HECW2: variants seen among roughly 807,000 people sequenced by gnomAD.
HECW2 encodes E3 ubiquitin-protein ligase HECW2.
Under a neutral mutation model 175.2 loss-of-function variants are expected in HECW2, and 61 were observed. The ratio of observed to expected loss-of-function variants is 0.35; its 90% CI spans 0.28 to 0.43. The LOEUF is 0.43. Among genes scored for constraint, HECW2 ranks in the 20% least tolerant of loss-of-function variants. The pLI, the probability that HECW2 is intolerant of heterozygous loss-of-function variation, is 1.00. For synonymous variants in HECW2, 671 were observed against 731.0 expected, an observed-to-expected ratio of 0.92 and a Z score of 1.32; for missense variants, 1,524 against 2,000.5, an observed-to-expected ratio of 0.76 and a Z score of 4.54.
At position 196,278,133 on chromosome 2, in the gene HECW2, A is replaced by AAAAAAAAAAAAAT. The variant is rs531920307; in HGVS notation, c.3135+394_3135+395insATTTTTTTTTTTT. Reference sequence around the variant, plus strand: ...CCTAGAACTTAAAGTATAATTAAAAAATATATATATATATATATAAAGAAA... The same window carrying AAAAAAAAAAAAAT: ...CCTAGAACTTAAAGTATAATTAAAAAAAAAAAAAAAAATATATATATATATATATATAAAGAAA... On this transcript the variant is annotated intron_variant, in intron 15 of 28. Coordinates refer to ENST00000644978, the MANE Select transcript of HECW2 (RefSeq NM_001348768.2). Among the ~76,000 whole-genome samples the AAAAAAAAAAAAAT allele has an allele frequency of 9.0e-5, 6 of 66,552 alleles. 1 individual carries two copies. Among genetic ancestry groups the AAAAAAAAAAAAAT allele is most frequent in the Admixed American group, 2.2e-4 (1 of 4,500 alleles). The allele number at this position is 66,552 out of a possible 152,430, so 43.7% of individuals were successfully genotyped here. A position where few individuals can be genotyped will look rare whatever the true frequency, so the allele number is the denominator to read the frequency against.
chr2:196,278,133 A>AATATATATATATAT (rs71009094), intron 15 of HECW2, among the ~76,000 whole-genome samples: 1 of 66,552 alleles, frequency 1.5e-5, no homozygotes, highest in Non-Finnish European at 3.3e-5. Flanking sequence ...ATAATTAAAA[A>AATATATATATATAT]ATATATATAT....
chr2:196,258,053 C>A (rs1689134544), intron 17 of HECW2, 147 bp from the exon 18 acceptor site: 1 of 590,512 alleles, frequency 1.7e-6, no homozygotes, highest in Non-Finnish European at 3.0e-6. Context: ...GAATACACAT[C>A]CAAGAGAGAC....
At chr2:196,430,777 G>A (rs1045421916) in intron 2 of HECW2, among the ~76,000 whole-genome samples, 5 of 151,982 alleles carry the variant, frequency 3.3e-5, no homozygotes, top group Non-Finnish European at 4.4e-5. Context: ...GAAAATGAAC[G>A]AGAGCCTCGG....
At chr2:196,233,287 G>T (rs1236524899) in intron 21 of HECW2, among the ~76,000 whole-genome samples, 1 of 152,044 alleles carries the variant, frequency 6.6e-6, no homozygotes. Flanking sequence ...ATGTCTCCAG[G>T]GTGGCCATGT....
At chr2:196,527,153 C>A (rs1407880243) in intron 1 of HECW2, among the ~76,000 whole-genome samples, 2 of 152,246 alleles carry the variant, frequency 1.3e-5, no homozygotes, top group African/African-American at 2.4e-5. Context: ...AGGACCCTCC[C>A]AGCCAGGTGT....
At chr2:196,282,701 A>T (rs1690232265) in intron 14 of HECW2, among the ~76,000 whole-genome samples, 1 of 152,230 alleles carries the variant, frequency 6.6e-6, no homozygotes, top group South Asian at 2.1e-4. Context: ...TGAAGCCTCC[A>T]GGTAGCAGGC....
At chr2:196,229,825 A>C (rs1016559658) in intron 21 of HECW2, among the ~76,000 whole-genome samples, 2 of 152,194 alleles carry the variant, frequency 1.3e-5, no homozygotes, top group African/African-American at 4.8e-5. Flanking sequence ...CTTTAAATCT[A>C]TTTGCTTTTT....
chr2:196,194,450 T>A lies in HECW2; in HGVS notation c.*6827A>T, dbSNP rs1686623864. On this transcript the variant is annotated 3_prime_UTR_variant, in exon 29 of 29. Coordinates refer to ENST00000644978, the MANE Select transcript of HECW2 (RefSeq NM_001348768.2). Reference sequence around the variant, plus strand: ...TTTTAAACAAAAATAGAGATCAGTATGAAAATAAAACAAATTGTACACATT... The same window carrying A: ...TTTTAAACAAAAATAGAGATCAGTAAGAAAATAAAACAAATTGTACACATT... 6.6e-6 allele frequency: 1 copy of A among 152,060 alleles called. No homozygotes were observed. The highest frequency in any genetic ancestry group is 1.5e-5 in the Non-Finnish European group (1 of 67,994). The allele number at this position is 152,060 out of a possible 1,614,324, so 9.4% of individuals were successfully genotyped here.
At chr2:196,458,432 T>TCA (rs1282341922) in intron 1 of HECW2, among the ~76,000 whole-genome samples, 12 of 103,670 alleles carry the variant, frequency 1.2e-4, no homozygotes, top group Non-Finnish European at 2.2e-4. Flanking sequence ...TCCCTCTCAC[T>TCA]CACTCACACA....
At chr2:196,275,854 A>T (rs1689934965) in intron 15 of HECW2, among the ~76,000 whole-genome samples, 1 of 152,182 alleles carries the variant, frequency 6.6e-6, no homozygotes, top group Non-Finnish European at 1.5e-5. Context: ...TTAACTTGTT[A>T]GATGGAAAAG....
At chr2:196,373,343 A>G (rs935390592) in intron 2 of HECW2, among the ~76,000 whole-genome samples, 6 of 152,222 alleles carry the variant, frequency 3.9e-5, no homozygotes, top group Admixed American at 6.5e-5. Context: ...AATTATAATT[A>G]TGTTAATTTC....
intron 1 of HECW2, among the ~76,000 whole-genome samples, chr2:196,571,949 T>C (rs1029536697): frequency 6.6e-6 from 1 of 152,182 alleles, no homozygotes; most frequent in African/African-American, 2.4e-5. Context: ...ATTTCAGTCT[T>C]ACAAGGGAAG....
chr2:196,532,862 T>C (rs1382702892), intron 1 of HECW2, among the ~76,000 whole-genome samples: 1 of 152,130 alleles, frequency 6.6e-6, no homozygotes, highest in Non-Finnish European at 1.5e-5. Flanking sequence ...GAGGGACACA[T>C]TAATTTGGCA....
intron 17 of HECW2, 84 bp downstream of exon 17, chr2:196,271,109 A>C (rs1689718633): frequency 7.3e-6 from 6 of 822,890 alleles, no homozygotes; most frequent in Non-Finnish European, 1.2e-5. Context: ...AGAAAGAATA[A>C]ATTTCCAAGA....
intron 1 of HECW2, among the ~76,000 whole-genome samples, chr2:196,502,114 T>C (rs923664628): frequency 6.6e-6 from 1 of 152,230 alleles, no homozygotes; most frequent in African/African-American, 2.4e-5. Context: ...AAAATAGTGC[T>C]GGTATTTATA....
chr2:196,549,162 T>C (rs989234645), intron 1 of HECW2, among the ~76,000 whole-genome samples: 2 of 152,128 alleles, frequency 1.3e-5, no homozygotes, highest in African/African-American at 4.8e-5. Flanking sequence ...TATAACAGAT[T>C]TGGAAAATGC....
intron 19 of HECW2, among the ~76,000 whole-genome samples, chr2:196,248,129 T>C (rs1688715306): frequency 6.6e-6 from 1 of 152,214 alleles, no homozygotes; most frequent in Admixed American, 6.5e-5. Flanking sequence ...CTTTATTCTC[T>C]GAGTAGTAAA....
intron 2 of HECW2, among the ~76,000 whole-genome samples, chr2:196,407,154 T>C (rs879690454): frequency 2.6e-5 from 4 of 152,060 alleles, no homozygotes; most frequent in Non-Finnish European, 4.4e-5. Context: ...AAGTTACCTA[T>C]TTGCAAAATA....
chr2:196,468,816 T>C (rs1055050576), intron 1 of HECW2, among the ~76,000 whole-genome samples: 2 of 152,158 alleles, frequency 1.3e-5, no homozygotes, highest in African/African-American at 2.4e-5. Flanking sequence ...TATACATATA[T>C]GGGTTACCTA....
Sources: gnomAD v4.1 joint callset for allele counts (sites outside exome capture counted in the v4.1 genomes callset) on GRCh38, gnomAD v4.1.1 for gene constraint, MANE v1.5 for transcripts, NCBI Gene and HGNC (gene_info 2026-07-23, HGNC 2026-07-21) for gene names.